The following MTX3 variants were observed in gnomAD, a reference collection of about 807,000 sequenced individuals.
MTX3 encodes metaxin 3, also known as metaxin-3.
Under a neutral mutation model 42.5 loss-of-function variants are expected in MTX3, and 27 were observed. The ratio of observed to expected loss-of-function variants is 0.64; its 90% CI spans 0.47 to 0.88. The LOEUF is 0.88. Ranked by LOEUF, MTX3 falls within the 40% of genes least tolerant of loss-of-function variation. The pLI is 0.00. For missense variants in MTX3, 378 were observed against 367.0 expected (o/e 1.03, Z -0.25); for synonymous variants, 144 against 132.9 (o/e 1.08, Z -0.57).
At chr5:79,990,542 G>C (rs544505307) in intron 2 of MTX3, 52 bp downstream of exon 2, 2 of 1,194,060 alleles carry the variant, frequency 1.7e-6, no homozygotes, top group Non-Finnish European at 2.4e-6. Flanking sequence ...GCTTTAAATG[G>C]AAGAAGAAAA....
In MTX3 at chr5:79,980,379, T is replaced by C. The variant is rs542684286; in HGVS notation, c.*3305A>G. ...TGTTAATATATCTAGCAATATTGAATAGAAATTATAAATGGAAATAAAAAT... is the reference window on the plus strand; with the variant it reads ...TGTTAATATATCTAGCAATATTGAACAGAAATTATAAATGGAAATAAAAAT... On this transcript the variant is annotated 3_prime_UTR_variant, in exon 9 of 9. Coordinates refer to ENST00000512528, the MANE Select transcript of MTX3 (RefSeq NM_001363818.2). The C allele has an allele frequency of 6.6e-6, 1 of 152,192 alleles. No individual in the cohort carries two copies. Among genetic ancestry groups the C allele is most frequent in the Non-Finnish European group, 1.5e-5 (1 of 68,034 alleles). The allele number at this position is 152,192 out of a possible 1,614,324, so 9.4% of individuals were successfully genotyped here. A position where few individuals can be genotyped will look rare whatever the true frequency, so the allele number is the denominator to read the frequency against.
At chr5:79,985,954 A>G (rs1036133919) in intron 7 of MTX3, among the ~76,000 whole-genome samples, 1 of 147,928 alleles carries the variant, frequency 6.8e-6, no homozygotes, top group Non-Finnish European at 1.5e-5. Flanking sequence ...AAAAAAGCAC[A>G]GTAGTCCTCA....
intron 1 of MTX3, 94 bp downstream of exon 1, chr5:79,991,064 G>T: frequency 7.8e-7 from 1 of 1,278,110 alleles, no homozygotes; most frequent in Non-Finnish European, 1.1e-6. Context: ...GGCCCTCCTG[G>T]ACCCCGCAGC....
intron 1 of MTX3, 67 bp from the exon 2 acceptor site, chr5:79,990,730 A>G: frequency 8.9e-7 from 1 of 1,127,294 alleles, no homozygotes; most frequent in Middle Eastern, 1.9e-4. Flanking sequence ...GAGCAGCTTT[A>G]CTTCACAGCC....
Position 79,982,967 on chromosome 5 carries a change from A to G in MTX3, c.*717T>C, listed in dbSNP as rs1715622815. 1 of 153,918 alleles carries G rather than the reference A, an allele frequency of 6.5e-6. No homozygotes were observed. Among genetic ancestry groups the G allele is most frequent in the South Asian group, 2.0e-4 (1 of 4,948 alleles). 9.5% of individuals were successfully genotyped at this position (153,918 alleles called of 1,614,324 possible). ...AAAGACATAGGTCTAAAACTGCCAC[A>G]TTTGCCCAAGTAAACTAAAAGAACT... On this transcript the variant is annotated 3_prime_UTR_variant, in exon 9 of 9. Coordinates refer to ENST00000512528, the MANE Select transcript of MTX3 (RefSeq NM_001363818.2).
intron 7 of MTX3, chr5:79,986,579 G>T: frequency 2.8e-6 from 1 of 355,490 alleles, no homozygotes; most frequent in Non-Finnish European, 5.5e-6. Flanking sequence ...GAAGCAGCAG[G>T]TAAAAATCAT....
chr5:79,977,962 AG>A lies in MTX3; in HGVS notation c.*5721del, dbSNP rs1447013037. 3 of 152,228 alleles carry A rather than the reference AG, an allele frequency of 2.0e-5. No homozygotes were observed. Among genetic ancestry groups the A allele is most frequent in the African/African-American group, 7.2e-5 (3 of 41,462 alleles). The allele number at this position is 152,228 out of a possible 1,614,324, so 9.4% of individuals were successfully genotyped here. A position where few individuals can be genotyped will look rare whatever the true frequency, so the allele number is the denominator to read the frequency against. ...GGTTCCCTCTGTCTCATGGATGCTTAGGAACTGGGTAGTCTGCTGAAACCAC... is the reference window on the plus strand; with the variant it reads ...GGTTCCCTCTGTCTCATGGATGCTTAGAACTGGGTAGTCTGCTGAAACCAC... On this transcript the variant is annotated 3_prime_UTR_variant, in exon 9 of 9. Transcript: ENST00000512528.
chr5:79,990,188 GC>G lies in MTX3; in HGVS notation c.199del (p.Ala67GlnfsTer4). 6.2e-7 allele frequency: 1 copy of G among 1,609,494 alleles called. No individual in the cohort carries two copies. Among genetic ancestry groups the G allele is most frequent in the Non-Finnish European group, 8.5e-7 (1 of 1,177,968 alleles). ...TTEDDMVSQP[A>X]KILNFLRKQK... The stretch of plus-strand genomic sequence containing the variant: ...TTTTCTTAAAAAGTTTAGTATTTTT[GC>G]TGGCTGAGAAACCATGTCGTCTTCA... On this transcript the variant is annotated frameshift_variant, in exon 3 of 9. Coordinates refer to ENST00000512528, the MANE Select transcript of MTX3 (RefSeq NM_001363818.2). LOFTEE classifies it high-confidence loss of function.
rs1031034637 is a variant in MTX3 at position 79,978,077 on chromosome 5, G to C, written c.*5607C>G. The C allele has an allele frequency of 1.3e-5, 2 of 152,168 alleles. No individual in the cohort carries two copies. Among genetic ancestry groups the C allele is most frequent in the Non-Finnish European group, 2.9e-5 (2 of 68,094 alleles). The allele number at this position is 152,168 out of a possible 1,614,324, so 9.4% of individuals were successfully genotyped here. A position where few individuals can be genotyped will look rare whatever the true frequency, so the allele number is the denominator to read the frequency against. ...AGAGCCAGGGGCCTCCCTCACAAAT[G>C]CCTAAATAACCAACATATCTATGCC... On this transcript the variant is annotated 3_prime_UTR_variant, in exon 9 of 9. Coordinates refer to ENST00000512528, the MANE Select transcript of MTX3 (RefSeq NM_001363818.2).
rs915208958 is a variant in MTX3 at position 79,977,182 on chromosome 5, G to C, written c.*6502C>G. The stretch of plus-strand genomic sequence containing the variant: ...TAAAATTAAAAATCAAGTCAGAAGA[G>C]AAGTAAAACTCATTTTTATGCATTT... On this transcript the variant is annotated 3_prime_UTR_variant, in exon 9 of 9. Coordinates refer to ENST00000512528, the MANE Select transcript of MTX3 (RefSeq NM_001363818.2). The C allele has an allele frequency of 3.3e-5, 5 of 152,138 alleles. No homozygotes were observed. The highest frequency in any genetic ancestry group is 1.2e-4 in the African/African-American group (5 of 41,424). The allele number at this position is 152,138 out of a possible 1,614,324, so 9.4% of individuals were successfully genotyped here.
chr5:79,991,247 G>T lies in MTX3; in HGVS notation c.-9C>A, dbSNP rs1443560893. The T allele has an allele frequency of 1.4e-6, 2 of 1,448,316 alleles. No homozygotes were observed. The highest frequency in any genetic ancestry group is 1.8e-6 in the Non-Finnish European group (2 of 1,097,152). 89.7% of individuals were successfully genotyped at this position (1,448,316 alleles called of 1,614,324 possible). ...TCCAAGGGGGCCGCCATCTTGCGCG[G>T]GCCGACCTTTACTATCCCGGAAGTA... On this transcript the variant is annotated 5_prime_UTR_variant, in exon 1 of 9. Transcript: ENST00000512528.
chr5:79,986,605 A>G, intron 7 of MTX3: 1 of 393,798 alleles, frequency 2.5e-6, no homozygotes. Context: ...GTAATTGTCC[A>G]TTTGCATTAG....
chr5:79,984,339 ACTT>A (rs1831441654), intron 8 of MTX3, among the ~76,000 whole-genome samples: 1 of 152,206 alleles, frequency 6.6e-6, no homozygotes, highest in Non-Finnish European at 1.5e-5. Context: ...TTTCAACTAT[ACTT>A]CTTTACCTCA....
chr5:79,990,425 TCGCTTG>T (rs1831613584), intron 2 of MTX3, among the ~76,000 whole-genome samples, 163 bp downstream of exon 2: 1 of 152,184 alleles, frequency 6.6e-6, no homozygotes, highest in African/African-American at 2.4e-5. Flanking sequence ...TCCAGTGATT[TCGCTTG>T]CACTTTGAGG....
chr5:79,989,956 T>C (rs1831591663), intron 3 of MTX3, among the ~76,000 whole-genome samples: 1 of 152,230 alleles, frequency 6.6e-6, no homozygotes, highest in Non-Finnish European at 1.5e-5. Flanking sequence ...TTTATTAAAA[T>C]ATAAACTGAC....
rs893467041 is a variant in MTX3, at chr5:79,981,553, C to G, written c.*2131G>C. The G allele has an allele frequency of 2.0e-5, 3 of 152,136 alleles. No homozygotes were observed. Among genetic ancestry groups the G allele is most frequent in the African/African-American group, 7.2e-5 (3 of 41,426 alleles). The allele number at this position is 152,136 out of a possible 1,614,324, so 9.4% of individuals were successfully genotyped here. On this transcript the variant is annotated 3_prime_UTR_variant, in exon 9 of 9. Coordinates refer to ENST00000512528, the MANE Select transcript of MTX3 (RefSeq NM_001363818.2). ...TGCTTCTTTATCAAAGTCTACATAT[C>G]AGAAGAACATGAGCTCCACGTTCCT...
At position 79,988,262 on chromosome 5, in the gene MTX3, T is replaced by C; in HGVS notation, c.558A>G (p.Thr186=). ...ACGTATCTCCAAAGAAAAACTGAGA[T>C]GTTCCCAATCTGTTTGATAGAAGAT... ...CLNLLSNRLG[T]SQFFFGDTPS... The change falls in exon 6 of 9, where the codon ACA becomes ACG. Residue 186 remains threonine, a synonymous_variant. Coordinates refer to ENST00000512528, the MANE Select transcript of MTX3 (RefSeq NM_001363818.2). The C allele has an allele frequency of 6.4e-7, 1 of 1,551,554 alleles. No individual in the cohort carries two copies. Among genetic ancestry groups the C allele is most frequent in the Non-Finnish European group, 8.7e-7 (1 of 1,143,642 alleles).
rs1831326117 is a variant in MTX3 at position 79,979,519 on chromosome 5, T to C, written c.*4165A>G. The C allele has an allele frequency of 6.6e-6, 1 of 152,230 alleles. No individual in the cohort carries two copies. The highest frequency in any genetic ancestry group is 1.5e-5 in the Non-Finnish European group (1 of 68,040). 9.4% of individuals were successfully genotyped at this position (152,230 alleles called of 1,614,324 possible). ...ATAGCCAAATCAAGACAAAGACAATTACAGCTTAAAACGAAAAGCTACACC... is the reference window on the plus strand; with the variant it reads ...ATAGCCAAATCAAGACAAAGACAATCACAGCTTAAAACGAAAAGCTACACC... On this transcript the variant is annotated 3_prime_UTR_variant, in exon 9 of 9. Coordinates refer to ENST00000512528, the MANE Select transcript of MTX3 (RefSeq NM_001363818.2).
Position 79,988,219 on chromosome 5 carries a change from A to G in MTX3, c.581+20T>C, listed in dbSNP as rs946025045. On this transcript the variant is annotated intron_variant, in intron 6 of 8. Coordinates refer to ENST00000512528, the MANE Select transcript of MTX3 (RefSeq NM_001363818.2). Reference sequence around the variant, plus strand: ...TATATGTGCACAAAATACCAAAATGATTTTTAAGGGAATACTCACGTATCT... The same window carrying G: ...TATATGTGCACAAAATACCAAAATGGTTTTTAAGGGAATACTCACGTATCT... 7.1e-7 allele frequency: 1 copy of G among 1,416,096 alleles called. No homozygotes were observed. Among genetic ancestry groups the G allele is most frequent in the African/African-American group, 1.4e-5 (1 of 70,290 alleles). The allele number at this position is 1,416,096 out of a possible 1,614,324, so 87.7% of individuals were successfully genotyped here.
Sources: gnomAD v4.1 joint callset for allele counts (sites outside exome capture counted in the v4.1 genomes callset) on GRCh38, gnomAD v4.1.1 for gene constraint, MANE v1.5 for transcripts, NCBI Gene and HGNC (gene_info 2026-07-23, HGNC 2026-07-21) for gene names.